Variants in PIKFYVE observed in about 807,000 individuals in gnomAD.
The protein encoded by PIKFYVE is 1-phosphatidylinositol 3-phosphate 5-kinase.
In PIKFYVE, 122 loss-of-function variants were observed where a neutral mutation model predicts 257.9. The ratio of observed to expected loss-of-function variants is 0.47; its 90% CI spans 0.41 to 0.55. The LOEUF is 0.55. PIKFYVE is among the 20% of genes least tolerant of loss of function. The pLI, the probability that PIKFYVE is intolerant of heterozygous loss-of-function variation, is 0.00. For missense variants in PIKFYVE, 2,160 were observed against 2,536.6 expected, an observed-to-expected ratio of 0.85 and a Z score of 3.19; for synonymous variants, 892 against 868.9, an observed-to-expected ratio of 1.03 and a Z score of -0.47.
Position 208,276,771 on chromosome 2 carries a change from C to A in PIKFYVE, c.382C>A (p.Leu128Ile). The A allele has an allele frequency of 6.2e-7, 1 of 1,613,674 alleles. No individual in the cohort carries two copies. Among genetic ancestry groups the A allele is most frequent in the Non-Finnish European group, 8.5e-7 (1 of 1,179,694 alleles). ...TCATGACCCTCGTACAGCTGTTCAG[C>A]TTCGAAGCCTCAGCACAGTATTAAA... ...GGHDPRTAVQLRSLSTVLKRL... is the reference protein window; with the variant it reads ...GGHDPRTAVQIRSLSTVLKRL... The change falls in exon 4 of 42, where the codon CTT (leucine) becomes ATT (isoleucine). Residue 128 changes from leucine (L) to isoleucine (I), a missense_variant. Around this residue, in one of 12 missense-constraint regions of PIKFYVE, gnomAD observed 172 missense variants for 180.6 expected, o/e 0.95. Coordinates refer to ENST00000264380, the MANE Select transcript of PIKFYVE (RefSeq NM_015040.4).
intron 21 of PIKFYVE, 116 bp downstream of exon 21, chr2:208,328,396 C>A (rs1187382546): frequency 1.6e-6 from 2 of 1,217,430 alleles, no homozygotes; most frequent in Non-Finnish European, 1.2e-6. Context: ...CAGCACACTG[C>A]TGGTCATATA....
chr2:208,321,400 A>G (rs1453470941), intron 17 of PIKFYVE, among the ~76,000 whole-genome samples: 1 of 151,908 alleles, frequency 6.6e-6, no homozygotes, highest in Non-Finnish European at 1.5e-5. Context: ...AGTAAAAGAA[A>G]CAGTGCTTTA....
rs765851918 is a variant in PIKFYVE, at chr2:208,285,711, G to GT, written c.614-8dup. ...CTTCAATTTCCTTGTTTTTGTTTTT[G>GT]TTTTTTTCTCCTAGGAGACCTCCGA... is the stretch of plus-strand genomic sequence containing the variant. On this transcript the variant is annotated splice_polypyrimidine_tract_variant and intron_variant, in intron 5 of 41. Coordinates refer to ENST00000264380, the MANE Select transcript of PIKFYVE (RefSeq NM_015040.4). 1.1e-5 allele frequency: 18 copies of GT among 1,606,544 alleles called. No homozygotes were observed. In the Admixed American group the frequency reaches 1.2e-4, roughly 10 times the overall value.
rs111880771 is a variant in PIKFYVE, at chr2:208,285,658, T to G, written c.614-68T>G. ...GACCCAAGGAGTTAAAAAAGTTACGTTAAGCAATATGTTACTGCTATCTTT... is the reference window on the plus strand; with the variant it reads ...GACCCAAGGAGTTAAAAAAGTTACGGTAAGCAATATGTTACTGCTATCTTT... On this transcript the variant is annotated intron_variant, in intron 5 of 41. Transcript: ENST00000264380. 778 of 1,377,260 alleles carry G rather than the reference T, an allele frequency of 5.6e-4. 2 individuals are homozygous for G. The African/African-American group carries it at 9.3e-3, about 16-fold the overall frequency. The allele number at this position is 1,377,260 out of a possible 1,614,324, so 85.3% of individuals were successfully genotyped here.
rs1008051930 is a variant in PIKFYVE, at chr2:208,344,992, T to C, written c.5028-119T>C. 1.3e-4 allele frequency: 93 copies of C among 728,650 alleles called. 1 individual carries two copies. The East Asian group carries it at 2.6e-3, about 20-fold the overall frequency. 45.1% of individuals were successfully genotyped at this position (728,650 alleles called of 1,614,324 possible). ...CTTTTGTCAGTTAACCAAAATTATT[T>C]AATTATGGAAACGTATAATGATTGT... On this transcript the variant is annotated intron_variant, in intron 32 of 41. Coordinates refer to ENST00000264380, the MANE Select transcript of PIKFYVE (RefSeq NM_015040.4).
chr2:208,337,042 G>A, intron 28 of PIKFYVE, 114 bp downstream of exon 28: 1 of 783,892 alleles, frequency 1.3e-6, no homozygotes, highest in Non-Finnish European at 2.1e-6. Context: ...ATCCAGTAGG[G>A]TTTTCCATTT....
chr2:208,303,254 T>C (rs887552015), intron 10 of PIKFYVE, among the ~76,000 whole-genome samples: 5 of 140,760 alleles, frequency 3.6e-5, no homozygotes, highest in Non-Finnish European at 7.6e-5. Flanking sequence ...CACACACATA[T>C]ATAAACATAT....
intron 3 of PIKFYVE, chr2:208,274,077 A>G (rs200441867): frequency 1.2e-6 from 2 of 1,607,050 alleles, no homozygotes; most frequent in African/African-American, 1.3e-5. Context: ...TTGTGAATGA[A>G]TTCTGCATCT....
Position 208,355,183 on chromosome 2 carries a change from A to G in PIKFYVE, c.6182-7A>G, listed in dbSNP as rs1264409437. ...CTTTTTCCCCCTTTTCTCTTTCATA[A>G]TCTCAGGTAAAATGCCAACAGTGGT... On this transcript the variant is annotated splice_polypyrimidine_tract_variant and splice_region_variant and intron_variant, in intron 41 of 41. Transcript: ENST00000264380. The G allele has an allele frequency of 6.2e-7, 1 of 1,607,426 alleles. No individual in the cohort carries two copies. The highest frequency in any genetic ancestry group is 8.5e-7 in the Non-Finnish European group (1 of 1,173,968).
intron 10 of PIKFYVE, among the ~76,000 whole-genome samples, chr2:208,302,846 G>C (rs1276060360): frequency 6.6e-6 from 1 of 152,152 alleles, no homozygotes; most frequent in African/African-American, 2.4e-5. Flanking sequence ...TTGGGAGGCT[G>C]AGGTGGGTGC....
intron 12 of PIKFYVE, among the ~76,000 whole-genome samples, chr2:208,306,087 T>C (rs1200191651): frequency 1.3e-5 from 2 of 152,230 alleles, no homozygotes; most frequent in African/African-American, 4.8e-5. Flanking sequence ...AAATTTCTCA[T>C]AGTTGTCAGT....
chr2:208,336,691 C>T (rs904165608), intron 27 of PIKFYVE, 147 bp from the exon 28 acceptor site: 9 of 531,682 alleles, frequency 1.7e-5, no homozygotes, highest in Admixed American at 6.6e-5. Flanking sequence ...CAAAAACTTA[C>T]TCTTATTTAT....
intron 7 of PIKFYVE, among the ~76,000 whole-genome samples, chr2:208,290,314 C>T (rs545337516): frequency 3.9e-5 from 6 of 152,146 alleles, no homozygotes; most frequent in African/African-American, 1.4e-4. Context: ...AATCATTAAT[C>T]TTTTTTACTG....
chr2:208,316,513 T>G (rs1695538118), intron 15 of PIKFYVE, among the ~76,000 whole-genome samples: 1 of 152,028 alleles, frequency 6.6e-6, no homozygotes, highest in Admixed American at 6.5e-5. Context: ...AGTGTTCCTA[T>G]TTCTCCACAT....
intron 40 of PIKFYVE, 42 bp downstream of exon 40, chr2:208,354,201 C>A: frequency 1.3e-6 from 2 of 1,594,162 alleles, no homozygotes; most frequent in South Asian, 2.2e-5. Flanking sequence ...TGATTGAAGT[C>A]AGAGTCAAAT....
chr2:208,345,421 T>G (rs1022345470), intron 33 of PIKFYVE, among the ~76,000 whole-genome samples: 2 of 152,052 alleles, frequency 1.3e-5, no homozygotes, highest in African/African-American at 4.8e-5. Context: ...AGCAGTTAAA[T>G]GTATATTGCA....
chr2:208,328,899 G>C (rs370341017), intron 21 of PIKFYVE, among the ~76,000 whole-genome samples: 284 of 152,242 alleles, frequency 1.9e-3, no homozygotes, highest in African/African-American at 6.6e-3. Context: ...TTAAAAATGT[G>C]AGAAAGTTGA....
chr2:208,315,715 A>G (rs1695424358), intron 15 of PIKFYVE, among the ~76,000 whole-genome samples: 1 of 151,958 alleles, frequency 6.6e-6, no homozygotes, highest in East Asian at 1.9e-4. Flanking sequence ...GCAGTGGGTA[A>G]TTTGCTTTAT....
chr2:208,308,052 A>T (rs527634557), intron 12 of PIKFYVE, among the ~76,000 whole-genome samples: 63 of 152,392 alleles, frequency 4.1e-4, no homozygotes, highest in African/African-American at 1.4e-3. Flanking sequence ...AGGATTTGAA[A>T]TGATAGATAT....
Sources: allele counts gnomAD v4.1 joint callset (sites outside exome capture counted in the v4.1 genomes callset), GRCh38; gene constraint gnomAD v4.1.1; regional missense constraint gnomAD v4.1.1; transcripts MANE v1.5; gene names NCBI Gene and HGNC (gene_info 2026-07-23, HGNC 2026-07-21).